The following UNC13C variants were observed in gnomAD, a reference collection of about 807,000 sequenced individuals.
The protein encoded by UNC13C is protein unc-13 homolog C.
UNC13C carries 174 observed loss-of-function variants against 245.4 expected under a neutral mutation model. The ratio of observed to expected loss-of-function variants is 0.71; its 90% confidence interval spans 0.63 to 0.80. The LOEUF is 0.80. UNC13C is among the 30% of genes least tolerant of loss of function. The pLI, the probability that UNC13C is intolerant of heterozygous loss-of-function variation, is 0.00. For synonymous variants in UNC13C, 992 were observed against 895.1 expected, an observed-to-expected ratio of 1.11 and a Z score of -1.93; for missense variants, 2,829 against 2,602.9, an observed-to-expected ratio of 1.09 and a Z score of -1.89.
chr15:53,976,074 T>G (rs1893684763), upstream of UNC13C, among the ~76,000 whole-genome samples: 1 of 152,194 alleles, frequency 6.6e-6, no homozygotes, highest in Non-Finnish European at 1.5e-5. Context: ...TGAAAACTAC[T>G]CGTCAAAAGC....
intron 19 of UNC13C, among the ~76,000 whole-genome samples, chr15:54,484,292 C>G (rs1319382621): frequency 1.3e-5 from 2 of 152,128 alleles, no homozygotes; most frequent in African/African-American, 4.8e-5. Flanking sequence ...AAAATTTCCC[C>G]TAGGTCCTAG....
the UNC13C span, among the ~76,000 whole-genome samples, chr15:53,891,342 G>A: frequency 6.6e-6 from 1 of 152,180 alleles, no homozygotes; most frequent in African/African-American, 2.4e-5. Context: ...CTATTCTGTT[G>A]ATTTGGGGTG....
At chr15:54,316,481 C>T (rs945952203) in intron 13 of UNC13C, among the ~76,000 whole-genome samples, 19 of 152,032 alleles carry the variant, frequency 1.2e-4, no homozygotes, top group Admixed American at 6.6e-4. Context: ...TGACCCTCCT[C>T]ACCAGGCTGT....
At chr15:54,310,697 C>T (rs74655668) in intron 13 of UNC13C, among the ~76,000 whole-genome samples, 4,675 of 151,592 alleles carry the variant, frequency 0.031, 249 homozygotes, top group African/African-American at 0.11. Flanking sequence ...GTACTCTTAA[C>T]TCTAAATTGG....
chr15:54,220,608 TA>T (rs71132788), intron 4 of UNC13C, among the ~76,000 whole-genome samples: 21,607 of 151,066 alleles, frequency 0.14, 1,608 homozygotes, highest in Non-Finnish European at 0.15. Flanking sequence ...ATAATAAAAA[TA>T]AAAAAAATTA....
At chr15:54,296,439 C>G (rs990786967) in intron 11 of UNC13C, among the ~76,000 whole-genome samples, 1 of 147,298 alleles carries the variant, frequency 6.8e-6, no homozygotes, top group Non-Finnish European at 1.5e-5. Flanking sequence ...AGAATGGTCT[C>G]GATCTCCTGA....
intron 23 of UNC13C, among the ~76,000 whole-genome samples, chr15:54,510,095 A>G (rs930427467): frequency 6.6e-6 from 1 of 152,162 alleles, no homozygotes; most frequent in African/African-American, 2.4e-5. Flanking sequence ...ATGTGACAAT[A>G]AAGATTAGCT....
At chr15:54,463,855 T>A (rs978288146) in intron 19 of UNC13C, among the ~76,000 whole-genome samples, 1 of 152,008 alleles carries the variant, frequency 6.6e-6, no homozygotes, top group African/African-American at 2.4e-5. Context: ...TTGTTGGTAA[T>A]GACATGACAG....
At chr15:54,184,600 T>C (rs1035364343) in intron 4 of UNC13C, among the ~76,000 whole-genome samples, 1 of 152,208 alleles carries the variant, frequency 6.6e-6, no homozygotes, top group African/African-American at 2.4e-5. Flanking sequence ...CATGAACTCA[T>C]CATTTTTTAT....
At chr15:54,614,708 G>C (rs1281067274) in intron 30 of UNC13C, among the ~76,000 whole-genome samples, 3 of 151,888 alleles carry the variant, frequency 2.0e-5, no homozygotes, top group Non-Finnish European at 4.4e-5. Context: ...GAAAAATACA[G>C]GGCTGCCAGA....
chr15:54,561,006 GT>G (rs953643388), intron 29 of UNC13C, among the ~76,000 whole-genome samples: 3 of 151,982 alleles, frequency 2.0e-5, no homozygotes, highest in African/African-American at 7.2e-5. Flanking sequence ...ACTGCAACCA[GT>G]GTGTTTCTTT....
At chr15:53,927,725 G>T in the UNC13C span, among the ~76,000 whole-genome samples, 1 of 152,184 alleles carries the variant, frequency 6.6e-6, no homozygotes, top group Non-Finnish European at 1.5e-5. Flanking sequence ...GTATGTGTGT[G>T]ATTGCCCAGG....
At chr15:54,100,859 C>T (rs1900127192) in intron 2 of UNC13C, among the ~76,000 whole-genome samples, 1 of 152,052 alleles carries the variant, frequency 6.6e-6, no homozygotes, top group East Asian at 1.9e-4. Context: ...CATTCTTGCT[C>T]ACTCCTCTTC....
intron 7 of UNC13C, among the ~76,000 whole-genome samples, chr15:54,239,473 C>G (rs1160175789): frequency 6.6e-6 from 1 of 152,172 alleles, no homozygotes; most frequent in Non-Finnish European, 1.5e-5. Context: ...TTTTTGCAGA[C>G]AGAGTCTGGC....
At chr15:53,981,288 A>C (rs1893918279) in intron 1 of UNC13C, among the ~76,000 whole-genome samples, 1 of 152,170 alleles carries the variant, frequency 6.6e-6, no homozygotes, top group African/African-American at 2.4e-5. Flanking sequence ...CATAGTCTTT[A>C]CTACGGAAAG....
At chr15:54,277,492 A>G (rs1596130965) in intron 10 of UNC13C, among the ~76,000 whole-genome samples, 1 of 152,322 alleles carries the variant, frequency 6.6e-6, no homozygotes, top group South Asian at 2.1e-4. Flanking sequence ...AACATTTGGC[A>G]TGACTTTTCA....
At chr15:54,408,199 CAAAA>C (rs71105808) in intron 18 of UNC13C, among the ~76,000 whole-genome samples, 395 of 29,062 alleles carry the variant, frequency 0.014, 1 homozygote, top group African/African-American at 0.034. Context: ...GACTCTGCCT[CAAAA>C]AAAAAAAAAA....
the UNC13C span, among the ~76,000 whole-genome samples, chr15:53,963,715 A>T: frequency 6.6e-6 from 1 of 152,222 alleles, no homozygotes; most frequent in Non-Finnish European, 1.5e-5. Context: ...GCAGAACTGA[A>T]GGATGAGATG....
the UNC13C span, among the ~76,000 whole-genome samples, chr15:53,934,178 G>A: frequency 6.6e-6 from 1 of 152,224 alleles, no homozygotes; most frequent in Admixed American, 6.5e-5. Context: ...ACAGCACCAA[G>A]TGGATGGTGC....
Sources: allele counts gnomAD v4.1 joint callset (sites outside exome capture counted in the v4.1 genomes callset), GRCh38; gene constraint gnomAD v4.1.1; transcripts MANE v1.5; gene names NCBI Gene and HGNC (gene_info 2026-07-23, HGNC 2026-07-21).